The following DNAH9 variants were observed in gnomAD, a reference collection of about 807,000 sequenced individuals.
DNAH9 encodes the protein DNAH9 variant protein.
In DNAH9, 345 loss-of-function variants were observed where a neutral mutation model predicts 471.6. The ratio of observed to expected loss-of-function variants is 0.73; its 90% CI spans 0.67 to 0.80. The LOEUF is 0.80. Ranked by LOEUF, DNAH9 falls within the 30% of genes least tolerant of loss-of-function variation. The pLI is 0.00. For missense variants in DNAH9, 5,407 were observed against 5,609.2 expected (o/e 0.96, Z 1.15); for synonymous variants, 2,093 against 2,123.6 (o/e 0.99, Z 0.40).
Position 11,647,236 on chromosome 17 carries a change from A to G in DNAH9, c.2097+38A>G, listed in dbSNP as rs554693362. 22 of 1,600,196 alleles carry G rather than the reference A, an allele frequency of 1.4e-5. No individual in the cohort carries two copies. In the Admixed American group the frequency reaches 3.4e-4, roughly 25 times the overall value. ...ACAGTAGCTCTCTTTTGGGTTCCTGAAGAGTTTCTTTGAACTCTGCTGATT... is the reference window on the plus strand; with the variant it reads ...ACAGTAGCTCTCTTTTGGGTTCCTGGAGAGTTTCTTTGAACTCTGCTGATT... On this transcript the variant is annotated intron_variant, in intron 12 of 68. Coordinates refer to ENST00000262442, the MANE Select transcript of DNAH9 (RefSeq NM_001372.4).
chr17:11,783,570 C>G, intron 39 of DNAH9, 76 bp from the exon 40 acceptor site: 1 of 1,084,644 alleles, frequency 9.2e-7, no homozygotes. Context: ...TAGGGCACAT[C>G]CTACCGCACC....
intron 15 of DNAH9, among the ~76,000 whole-genome samples, chr17:11,665,413 C>T (rs1406747312): frequency 2.0e-5 from 3 of 152,084 alleles, no homozygotes; most frequent in African/African-American, 7.2e-5. Flanking sequence ...ATTGTGTCCG[C>T]CAGGTTAAAT....
chr17:11,606,490 C>T (rs1478342512), intron 1 of DNAH9, among the ~76,000 whole-genome samples: 2 of 111,844 alleles, frequency 1.8e-5, no homozygotes, highest in African/African-American at 7.1e-5. Flanking sequence ...TGCTCTGTCT[C>T]CAGGCTGGAA....
intron 42 of DNAH9, among the ~76,000 whole-genome samples, chr17:11,796,940 C>T (rs975925601): frequency 2.0e-5 from 3 of 152,094 alleles, no homozygotes; most frequent in East Asian, 3.9e-4. Flanking sequence ...ATAACCAGCC[C>T]GTATTTATTC....
At chr17:11,808,116 G>A (rs1003694817) in intron 44 of DNAH9, among the ~76,000 whole-genome samples, 1 of 152,162 alleles carries the variant, frequency 6.6e-6, no homozygotes, top group Non-Finnish European at 1.5e-5. Context: ...GACCTCAGGC[G>A]TCCTAGTTAC....
chr17:11,713,279 G>T (rs926615946), intron 26 of DNAH9, among the ~76,000 whole-genome samples: 2 of 151,948 alleles, frequency 1.3e-5, no homozygotes, highest in African/African-American at 4.8e-5. Context: ...TATACGTACC[G>T]TATTTTCTTT....
intron 23 of DNAH9, 34 bp from the exon 24 acceptor site, chr17:11,701,088 G>A: frequency 6.2e-7 from 1 of 1,613,286 alleles, no homozygotes; most frequent in Non-Finnish European, 8.5e-7. Context: ...AAACTTCTCA[G>A]GCACCCAGTG....
At chr17:11,829,847 G>A (rs1970626566) in intron 48 of DNAH9, among the ~76,000 whole-genome samples, 1 of 152,208 alleles carries the variant, frequency 6.6e-6, no homozygotes, top group Non-Finnish European at 1.5e-5. Flanking sequence ...TTCTATAGCT[G>A]AATTCAACAT....
rs143722450 is a variant in DNAH9, at chr17:11,759,187, T to C, written c.6995+1495T>C. 1.4e-4 allele frequency among the ~76,000 whole-genome samples: 21 copies of C among 151,890 alleles called. No individual in the cohort carries two copies. The East Asian group carries it at 3.9e-3, about 28-fold the overall frequency. On this transcript the variant is annotated intron_variant, in intron 35 of 68. Transcript: ENST00000262442. ...AGTTGTGTTACAGGGATATATGGCA[T>C]AGTGGTGAAGTCTGGCCCTTTAGTG...
chr17:11,882,991 A>G (rs72815424), intron 55 of DNAH9: 50,235 of 985,518 alleles, frequency 0.051, 1,476 homozygotes, highest in Non-Finnish European at 0.056. Context: ...AGGCTGTACA[A>G]GGGCAAAGAC....
chr17:11,805,792 A>AT (rs927466018), intron 43 of DNAH9, among the ~76,000 whole-genome samples: 29 of 152,000 alleles, frequency 1.9e-4, no homozygotes, highest in African/African-American at 7.0e-4. Context: ...ACCTCAGGTG[A>AT]TCCCCCCACC....
chr17:11,690,383 C>T lies in DNAH9; in HGVS notation c.4561C>T (p.His1521Tyr), dbSNP rs1311304768. ...GTTTGAAGTGCAGCGAACATGGACT[C>T]ACCTGGAAAGCATATTCACTGGATC... ...IWFEVQRTWT[H>Y]LESIFTGSED... is the part of the protein sequence containing the mutation. Residue 1521 changes from histidine to tyrosine, a missense_variant, in exon 20 of 69, where the codon CAC becomes TAC. Around this residue, in one of 3 missense-constraint regions of DNAH9, gnomAD observed 4,636 missense variants for 4,900.3 expected, o/e 0.95. Transcript: ENST00000262442. 1.2e-6 allele frequency: 2 copies of T among 1,613,990 alleles called. No individual in the cohort carries two copies. Among genetic ancestry groups the T allele is most frequent in the Non-Finnish European group, 1.7e-6 (2 of 1,179,984 alleles).
At chr17:11,745,214 A>G in intron 31 of DNAH9, 130 bp downstream of exon 31, 2 of 762,124 alleles carry the variant, frequency 2.6e-6, no homozygotes, top group Non-Finnish European at 4.3e-6. Flanking sequence ...GTAATAACTC[A>G]ATTCATTTCA....
intron 25 of DNAH9, 147 bp downstream of exon 25, chr17:11,704,589 T>C (rs2074666107): frequency 1.5e-5 from 11 of 753,826 alleles, no homozygotes; most frequent in Non-Finnish European, 2.3e-5. Context: ...CTACTTTTTT[T>C]TTTTTTTTTT....
chr17:11,671,374 A>C (rs1250408005), intron 17 of DNAH9, among the ~76,000 whole-genome samples: 2 of 152,178 alleles, frequency 1.3e-5, no homozygotes, highest in African/African-American at 4.8e-5. Context: ...ACAGGGCCAC[A>C]GTGGGGAGCT....
chr17:11,629,664 G>A, intron 7 of DNAH9, 80 bp downstream of exon 7: 1 of 1,295,456 alleles, frequency 7.7e-7, no homozygotes, highest in Non-Finnish European at 1.1e-6. Flanking sequence ...GTATTTACTT[G>A]CATTTTCCCT....
intron 26 of DNAH9, 49 bp downstream of exon 26, chr17:11,705,234 G>A (rs1597508521): frequency 6.4e-7 from 1 of 1,557,408 alleles, no homozygotes; most frequent in African/African-American, 1.4e-5. Flanking sequence ...TCTGGTTCAG[G>A]CCAGCTAGTG....
chr17:11,698,297 A>G (rs145813181), intron 22 of DNAH9, among the ~76,000 whole-genome samples: 1,618 of 137,256 alleles, frequency 0.012, 39 homozygotes, highest in African/African-American at 0.042. Context: ...ATAATTATAT[A>G]TTAGATTAGA....
intron 22 of DNAH9, among the ~76,000 whole-genome samples, chr17:11,699,385 G>A (rs931748189): frequency 7.9e-5 from 12 of 152,206 alleles, no homozygotes; most frequent in Admixed American, 6.5e-4. Flanking sequence ...TACCATGGTA[G>A]TGTTTTCTTA....
Sources: gnomAD v4.1 joint callset for allele counts (sites outside exome capture counted in the v4.1 genomes callset) on GRCh38, gnomAD v4.1.1 for gene constraint, gnomAD v4.1.1 regional missense constraint, MANE v1.5 for transcripts, NCBI Gene and HGNC (gene_info 2026-07-23, HGNC 2026-07-21) for gene names.